TNK2: variants seen among roughly 807,000 people sequenced by gnomAD.
The protein encoded by TNK2 is tyrosine kinase non receptor 2, also known as activated CDC42 kinase 1.
In TNK2, 83 loss-of-function variants were observed where a neutral mutation model predicts 101.8. The ratio of observed to expected loss-of-function variants is 0.82; its 90% CI spans 0.68 to 0.98. The LOEUF is 0.98. Ranked by LOEUF, TNK2 falls within the 50% of genes least tolerant of loss-of-function variation. The pLI is 0.00. For synonymous variants in TNK2, 804 were observed against 633.0 expected, an observed-to-expected ratio of 1.27 and a Z score of -4.06; for missense variants, 1,665 against 1,483.2, an observed-to-expected ratio of 1.12 and a Z score of -2.01.
intron 11 of TNK2, 125 bp downstream of exon 11, chr3:195,869,989 C>T (rs547542376): frequency 2.8e-5 from 21 of 751,396 alleles, no homozygotes; most frequent in Middle Eastern, 2.5e-4. Context: ...ACAGCTGTCC[C>T]GCCTGCTGCC....
At chr3:195,864,233 G>A in intron 15 of TNK2, 46 bp from the exon 16 acceptor site, 1 of 1,613,004 alleles carries the variant, frequency 6.2e-7, no homozygotes, top group South Asian at 1.1e-5. Context: ...TTTACAGAAG[G>A]TTCAGCGGGG....
rs1750644764 is a variant in TNK2, at chr3:195,878,449, C to T, written c.1158G>A (p.Leu386=). The T allele has an allele frequency of 6.2e-7, 1 of 1,614,014 alleles. No individual in the cohort carries two copies. The highest frequency in any genetic ancestry group is 8.5e-7 in the Non-Finnish European group (1 of 1,180,038). The change falls in exon 8 of 16, where the codon CTG becomes CTA. Residue 386 remains leucine, a synonymous_variant. Transcript: ENST00000672887. This position sits in a 1 kb window ranked among gnomAD's most constrained non-coding sequence, Gnocchi z 4.7. The stretch of plus-strand genomic sequence containing the variant: ...CCTGGGCTGACCTGTCCCTCACCTC[C>T]AGCAGGAAGTCCCGCAGGGCCACAA... The part of the protein sequence containing the change: ...PTFVALRDFL[L]EAQPTDMRAL...
chr3:195,882,221 G>C lies in TNK2; in HGVS notation c.717C>G (p.Gly239=). ...AGCGCTTGGACTCCAGGTAGCCCATGCCCTCAGCCACCTGCACAGCGTAGC... is the reference window on the plus strand; with the variant it reads ...AGCGCTTGGACTCCAGGTAGCCCATCCCCTCAGCCACCTGCACAGCGTAGC... The part of the protein sequence containing the change: ...LSRYAVQVAE[G]MGYLESKRFI... The change falls in exon 6 of 16, where the codon GGC becomes GGG. Residue 239 remains glycine, a synonymous_variant. Transcript: ENST00000672887. The surrounding 1 kb of genome is among the most constrained non-coding windows in gnomAD (Gnocchi z 4.2). The C allele has an allele frequency of 6.2e-7, 1 of 1,613,816 alleles. No individual in the cohort carries two copies. Among genetic ancestry groups the C allele is most frequent in the Non-Finnish European group, 8.5e-7 (1 of 1,180,036 alleles).
chr3:195,880,935 A>G (rs373285583), intron 6 of TNK2, among the ~76,000 whole-genome samples: 1 of 11,232 alleles, frequency 8.9e-5, no homozygotes, highest in Non-Finnish European at 1.7e-4. Context: ...CCCCCCAGCA[A>G]TGCCCCTTGG....
At position 195,883,222 on chromosome 3, in the gene TNK2, G is replaced by A. The variant is rs775248747; in HGVS notation, c.544C>T (p.His182Tyr). The A allele has an allele frequency of 3.7e-6, 6 of 1,611,474 alleles. No individual in the cohort carries two copies. The highest frequency in any genetic ancestry group is 5.1e-6 in the Non-Finnish European group (6 of 1,179,794). Residue 182 changes from histidine to tyrosine, a missense_variant, in exon 5 of 16, where the codon CAC (histidine) becomes TAC (tyrosine). Around this residue, in one of 3 missense-constraint regions of TNK2, gnomAD observed 490 missense variants for 522.5 expected, o/e 0.94. Coordinates refer to ENST00000672887, the MANE Select transcript of TNK2 (RefSeq NM_001382273.1). The part of the protein sequence containing the change: ...DDFIREVNAM[H>Y]SLDHRNLIRL... ...ATGAGGTTTCGGTGGTCGAGCGAGT[G>A]CATGGCATTGACCTCCCGGATGAAG...
chr3:195,873,032 G>A (rs1186707871), intron 9 of TNK2, among the ~76,000 whole-genome samples: 2 of 152,154 alleles, frequency 1.3e-5, no homozygotes, highest in Non-Finnish European at 2.9e-5. Context: ...GCAGACGCGG[G>A]AGAGTCTAGG....
intron 12 of TNK2, 182 bp downstream of exon 12, chr3:195,869,315 G>C: frequency 1.5e-6 from 1 of 672,484 alleles, no homozygotes; most frequent in Non-Finnish European, 2.6e-6. Flanking sequence ...AGAAGCCCAG[G>C]CTCCGGGGGG....
In TNK2 at chr3:195,885,392, C is replaced by T; in HGVS notation, c.235-359G>A. 7.4e-7 allele frequency: 1 copy of T among 1,352,498 alleles called. No homozygotes were observed. The highest frequency in any genetic ancestry group is 1.3e-5 in the South Asian group (1 of 79,092). 83.8% of individuals were successfully genotyped at this position (1,352,498 alleles called of 1,614,324 possible). A position where few individuals can be genotyped will look rare whatever the true frequency, so the allele number is the denominator to read the frequency against. On this transcript the variant is annotated intron_variant, in intron 3 of 15. Transcript: ENST00000672887. The surrounding 1 kb of genome is among the most constrained non-coding windows in gnomAD (Gnocchi z 4.7). Reference sequence around the variant, plus strand: ...CACCCTCCCTTCCTGCACCCGCCACCCCGCAGACTCCAGCCCTAACCCGCA... The same window carrying T: ...CACCCTCCCTTCCTGCACCCGCCACTCCGCAGACTCCAGCCCTAACCCGCA...
chr3:195,883,319 G>A lies in TNK2; in HGVS notation c.457-10C>T, dbSNP rs768365823. On this transcript the variant is annotated splice_polypyrimidine_tract_variant and intron_variant, in intron 4 of 15. Transcript: ENST00000672887. ...TCACAGCCACACTCACCTGCCCAGA[G>A]CGGGATTTGCAAGGACTCAGGACTT... is the stretch of plus-strand genomic sequence containing the variant. The A allele has an allele frequency of 2.5e-6, 4 of 1,612,508 alleles. No individual in the cohort carries two copies. Among genetic ancestry groups the A allele is most frequent in the Non-Finnish European group, 3.4e-6 (4 of 1,179,920 alleles).
chr3:195,884,949 C>T lies in TNK2; in HGVS notation c.319G>A (p.Gly107Ser). 3 of 1,614,042 alleles carry T rather than the reference C, an allele frequency of 1.9e-6. No homozygotes were observed. Among genetic ancestry groups the T allele is most frequent in the Non-Finnish European group, 2.5e-6 (3 of 1,179,968 alleles). ...TGCAGGGGCCCCTCCCCTGCTGGGC[C>T]CCCAGGGGCGGGCGAGGTCTTCCGG... is the stretch of plus-strand genomic sequence containing the variant. ...TFRKTSPAPG[G>S]PAGEGPLQSL... The change falls in exon 4 of 16, where the codon GGC becomes AGC. Residue 107 changes from glycine (G) to serine (S), a missense_variant. Gly to Ser is a moderately conservative substitution (Grantham distance 56, BLOSUM62 0). Transcript: ENST00000672887.
chr3:195,873,818 G>C (rs1747173784), intron 9 of TNK2, among the ~76,000 whole-genome samples: 1 of 152,114 alleles, frequency 6.6e-6, no homozygotes, highest in African/African-American at 2.4e-5. Context: ...ACGGTCGGCG[G>C]GGAGGCGGGG....
intron 6 of TNK2, among the ~76,000 whole-genome samples, chr3:195,880,337 G>A (rs994528639): frequency 2.0e-5 from 3 of 152,120 alleles, no homozygotes; most frequent in African/African-American, 7.2e-5. Context: ...CTTCCCTGAT[G>A]TTTTAGGAAA....
intron 9 of TNK2, among the ~76,000 whole-genome samples, chr3:195,876,142 T>C (rs1402965034): frequency 6.6e-6 from 1 of 152,034 alleles, no homozygotes; most frequent in Non-Finnish European, 1.5e-5. Context: ...GGAACAAAAG[T>C]GCTGCCAGCC....
chr3:195,887,878 G>C (rs894560774), intron 2 of TNK2, among the ~76,000 whole-genome samples: 2 of 140,640 alleles, frequency 1.4e-5, no homozygotes, highest in Non-Finnish European at 3.0e-5. Context: ...GCGTGTGAGC[G>C]CGTGCGTACG....
intron 1 of TNK2, chr3:195,896,384 G>C: frequency 3.2e-6 from 1 of 309,896 alleles, no homozygotes; most frequent in Non-Finnish European, 6.4e-6. Context: ...AAGGTCACTA[G>C]GTGAGGCTCC....
chr3:195,872,499 C>A, intron 9 of TNK2, 29 bp from the exon 10 acceptor site: 1 of 1,553,034 alleles, frequency 6.4e-7, no homozygotes, highest in Non-Finnish European at 8.7e-7. Flanking sequence ...ACGGTGAACG[C>A]CAGGCGTGGC....
At chr3:195,871,342 G>A (rs1206831464) in intron 10 of TNK2, among the ~76,000 whole-genome samples, 4 of 152,098 alleles carry the variant, frequency 2.6e-5, no homozygotes, top group African/African-American at 7.2e-5. Flanking sequence ...GTGGGGAGGC[G>A]GAGCTGCCAC....
chr3:195,870,997 CTGTGTGGGTTCTGG>C (rs1285803270), intron 10 of TNK2, among the ~76,000 whole-genome samples: 1 of 91,184 alleles, frequency 1.1e-5, no homozygotes, highest in Non-Finnish European at 2.4e-5. Flanking sequence ...TGGGGGCCCG[CTGTGTGGGTTCTGG>C]TGTGTGGGGG....
At chr3:195,905,062 G>A (rs1161348039) in intron 1 of TNK2, among the ~76,000 whole-genome samples, 1 of 152,160 alleles carries the variant, frequency 6.6e-6, no homozygotes, top group Non-Finnish European at 1.5e-5. Flanking sequence ...CCAAGTTTGA[G>A]ATCTTACCCT....
Sources: gnomAD v4.1 joint callset for allele counts (sites outside exome capture counted in the v4.1 genomes callset) on GRCh38, gnomAD v4.1.1 for gene constraint, gnomAD v4.1.1 regional missense constraint, Gnocchi (gnomAD v3.1) non-coding constraint, MANE v1.5 for transcripts, NCBI Gene and HGNC (gene_info 2026-07-23, HGNC 2026-07-21) for gene names.